TMEFF2: variants seen among roughly 807,000 people sequenced by gnomAD.
The protein encoded by TMEFF2 is tomoregulin-2.
TMEFF2 carries 28 observed loss-of-function variants against 53.8 expected under a neutral mutation model. The observed-to-expected ratio is 0.52, with a 90% CI of 0.39 to 0.71. The LOEUF is 0.71. TMEFF2 is among the 30% of genes least tolerant of loss of function. The pLI is 0.00. For synonymous variants in TMEFF2, 162 were observed against 166.3 expected, an observed-to-expected ratio of 0.97 and a Z score of 0.20; for missense variants, 353 against 455.2, an observed-to-expected ratio of 0.78 and a Z score of 2.04.
chr2:192,033,568 C>A (rs1687199494), intron 5 of TMEFF2, among the ~76,000 whole-genome samples: 1 of 144,778 alleles, frequency 6.9e-6, no homozygotes, highest in Admixed American at 7.0e-5. Context: ...TCTCAAAATA[C>A]CAAGCTGCCT....
Position 192,163,778 on chromosome 2 carries a change from T to A in TMEFF2, c.439+15890A>T, listed in dbSNP as rs556137986. On this transcript the variant is annotated intron_variant, in intron 4 of 9. Transcript: ENST00000272771. ...CTTAAAAGTAAACCTACACATTCAT[T>A]TATGTTAAATGGGCATGGAGAACTT... Among the ~76,000 whole-genome samples the A allele has an allele frequency of 2.0e-5, 3 of 152,288 alleles. No homozygotes were observed. The East Asian group carries it at 5.8e-4, about 29-fold the overall frequency.
intron 4 of TMEFF2, among the ~76,000 whole-genome samples, chr2:192,126,929 T>C (rs1270495858): frequency 1.3e-5 from 2 of 152,224 alleles, no homozygotes; most frequent in South Asian, 2.1e-4. Context: ...AGTATTTCAA[T>C]ATAGAAGTTA....
chr2:192,135,001 AGAATGCTACAAG>A (rs1689963623), intron 4 of TMEFF2, among the ~76,000 whole-genome samples: 1 of 152,218 alleles, frequency 6.6e-6, no homozygotes. Flanking sequence ...ACCTGTCCTC[AGAATGCTACAAG>A]CTACAGCCCA....
At chr2:192,112,084 C>T (rs115498147) in intron 4 of TMEFF2, among the ~76,000 whole-genome samples, 2 of 152,150 alleles carry the variant, frequency 1.3e-5, no homozygotes, top group Admixed American at 6.5e-5. Context: ...TGTGGGGTTA[C>T]AGCCCCCACA....
rs773311218 is a variant in TMEFF2, at chr2:191,953,753, C to T, written c.954G>A (p.Gln318=). Residue 318 remains glutamine (Q), a synonymous_variant, in exon 9 of 10, where the codon CAG becomes CAA. Transcript: ENST00000272771. ...CAATCACAGCTGCGATTAAGACATA[C>T]TGAAATCGTACAGGACCGGGAACAA... ...LYVVPGPVRF[Q]YVLIAAVIGT... 2 of 1,614,164 alleles carry T rather than the reference C, an allele frequency of 1.2e-6. No individual in the cohort carries two copies. Among genetic ancestry groups the T allele is most frequent in the Admixed American group, 1.7e-5 (1 of 60,024 alleles).
intron 2 of TMEFF2, among the ~76,000 whole-genome samples, chr2:192,191,015 C>T (rs2106050195): frequency 6.6e-6 from 1 of 152,202 alleles, no homozygotes; most frequent in South Asian, 2.1e-4. Context: ...TTAAAATACT[C>T]AAGGGCAAAT....
chr2:191,979,017 T>C lies in TMEFF2; in HGVS notation c.745+19245A>G, dbSNP rs142346291. 1.4e-4 allele frequency among the ~76,000 whole-genome samples: 21 copies of C among 152,288 alleles called. No homozygotes were observed. In the East Asian group the frequency reaches 3.7e-3, roughly 27 times the overall value. On this transcript the variant is annotated intron_variant, in intron 7 of 9. Transcript: ENST00000272771. ...AATATAGTTTAATTGAATGGTACTC[T>C]GGTCTTCTGGAGGAAAAATTCATTT...
At chr2:192,123,224 A>G (rs892772839) in intron 4 of TMEFF2, among the ~76,000 whole-genome samples, 2 of 152,122 alleles carry the variant, frequency 1.3e-5, no homozygotes, top group African/African-American at 4.8e-5. Context: ...TACTGGGGTG[A>G]TATTTATGAT....
At chr2:192,092,224 A>G (rs1292814410) in intron 4 of TMEFF2, among the ~76,000 whole-genome samples, 1 of 152,198 alleles carries the variant, frequency 6.6e-6, no homozygotes, top group Non-Finnish European at 1.5e-5. Flanking sequence ...AAGTTTTCAC[A>G]ATAAAGTTTT....
At chr2:192,016,238 G>A (rs1686741145) in intron 5 of TMEFF2, among the ~76,000 whole-genome samples, 1 of 152,160 alleles carries the variant, frequency 6.6e-6, no homozygotes. Flanking sequence ...GGTATAGGGA[G>A]CTGAATGGGA....
chr2:192,166,686 G>A (rs551121452), intron 4 of TMEFF2, among the ~76,000 whole-genome samples: 74 of 152,214 alleles, frequency 4.9e-4, no homozygotes, highest in Non-Finnish European at 8.8e-4. Flanking sequence ...GCAAAACGGG[G>A]CAACAAAATG....
At chr2:192,012,854 A>T (rs1436467955) in intron 5 of TMEFF2, among the ~76,000 whole-genome samples, 9 of 152,232 alleles carry the variant, frequency 5.9e-5, no homozygotes, top group Non-Finnish European at 1.5e-5. Flanking sequence ...AGGTATAGAA[A>T]AATTAGTAAA....
At chr2:192,100,548 G>T (rs578189400) in intron 4 of TMEFF2, among the ~76,000 whole-genome samples, 101 of 152,046 alleles carry the variant, frequency 6.6e-4, no homozygotes, top group South Asian at 3.3e-3. Flanking sequence ...TTATTAATTT[G>T]GTAATTAAGT....
At chr2:192,117,510 ATT>A (rs1430711614) in intron 4 of TMEFF2, among the ~76,000 whole-genome samples, 1 of 152,070 alleles carries the variant, frequency 6.6e-6, no homozygotes, top group Non-Finnish European at 1.5e-5. Context: ...TAAAAAGAAA[ATT>A]TTTTGTTTCT....
At chr2:192,100,257 T>C (rs1178539006) in intron 4 of TMEFF2, among the ~76,000 whole-genome samples, 1 of 152,174 alleles carries the variant, frequency 6.6e-6, no homozygotes, top group African/African-American at 2.4e-5. Flanking sequence ...AATCTGATCT[T>C]GTTCATGATG....
intron 4 of TMEFF2, among the ~76,000 whole-genome samples, chr2:192,113,956 T>G (rs940527312): frequency 5.9e-5 from 9 of 152,080 alleles, no homozygotes; most frequent in African/African-American, 2.2e-4. Context: ...TACTTCAAAG[T>G]GTGGCTTTTC....
At chr2:192,054,066 C>T (rs1559105137) in intron 5 of TMEFF2, among the ~76,000 whole-genome samples, 1 of 151,860 alleles carries the variant, frequency 6.6e-6, no homozygotes, top group Non-Finnish European at 1.5e-5. Context: ...ATCTTCTTGG[C>T]TCCCTGCCCC....
chr2:192,159,612 G>T (rs1690586580), intron 4 of TMEFF2, among the ~76,000 whole-genome samples: 1 of 152,136 alleles, frequency 6.6e-6, no homozygotes, highest in Non-Finnish European at 1.5e-5. Flanking sequence ...ACAAAAAACT[G>T]TCATAGTAGT....
chr2:192,193,458 G>C (rs1446336446), intron 1 of TMEFF2, among the ~76,000 whole-genome samples: 1 of 152,130 alleles, frequency 6.6e-6, no homozygotes, highest in Non-Finnish European at 1.5e-5. Context: ...TTCGCCGTCA[G>C]AATCTGAAGG....
Sources: allele counts gnomAD v4.1 joint callset (sites outside exome capture counted in the v4.1 genomes callset), GRCh38; gene constraint gnomAD v4.1.1; transcripts MANE v1.5; gene names NCBI Gene and HGNC (gene_info 2026-07-23, HGNC 2026-07-21).